SAFB: variants seen among roughly 807,000 people sequenced by gnomAD.
SAFB encodes scaffold attachment factor B, also known as scaffold attachment factor B1.
SAFB carries 15 observed loss-of-function variants against 101.6 expected under a neutral mutation model. The observed-to-expected ratio is 0.15, with a 90% confidence interval of 0.10 to 0.23. The LOEUF is 0.23. Among genes scored for constraint, SAFB ranks in the 10% least tolerant of loss-of-function variants. The pLI is 1.00. For missense variants in SAFB, 930 were observed against 1,104.1 expected (o/e 0.84, Z 2.23); for synonymous variants, 449 against 407.5 (o/e 1.10, Z -1.23).
At chr19:5,664,362 T>C in intron 16 of SAFB, 35 bp from the exon 17 acceptor site, 1 of 1,593,362 alleles carries the variant, frequency 6.3e-7, no homozygotes, top group South Asian at 1.1e-5. Context: ...AAGCCTCTTC[T>C]TCCCCTTACG....
rs2054371200 is a variant in SAFB, at chr19:5,667,872, A to T, written c.2610A>T (p.Arg870=). 12 of 1,609,542 alleles carry T rather than the reference A, an allele frequency of 7.5e-6. No homozygotes were observed. The highest frequency in any genetic ancestry group is 1.0e-5 in the Non-Finnish European group (12 of 1,177,916). The part of the protein sequence containing the change: ...GHSGPGHMMN[R]GGMSGRGSFA... ...CCGGGCCTGGCCACATGATGAACCG[A>T]GGAGGAATGTCAGGGTAAGGCATGC... The change falls in exon 20 of 21, where the codon CGA becomes CGT. Residue 870 remains arginine (R), a synonymous_variant. Coordinates refer to ENST00000588852, the MANE Select transcript of SAFB (RefSeq NM_001201338.2). This position sits in a 1 kb window ranked among gnomAD's most constrained non-coding sequence, Gnocchi z 4.0.
intron 2 of SAFB, among the ~76,000 whole-genome samples, chr19:5,641,005 G>A (rs59994918): frequency 0.038 from 5,692 of 150,020 alleles, 392 homozygotes; most frequent in African/African-American, 0.13. Context: ...TCTCGGCTCA[G>A]TGCAACCTCC....
chr19:5,664,028 T>G lies in SAFB; in HGVS notation c.2160T>G (p.Asp720Glu). 6.2e-7 allele frequency: 1 copy of G among 1,613,886 alleles called. No individual in the cohort carries two copies. Among genetic ancestry groups the G allele is most frequent in the Non-Finnish European group, 8.5e-7 (1 of 1,179,966 alleles). ...GTCTCATGTCCCCTCACAGGCGAGA[T>G]GATGCCTATTGGCCGGAAGCCAAGC... ...VRRPYDLDRR[D>E]DAYWPEAKRA... The change falls in exon 16 of 21, where the codon GAT becomes GAG. Residue 720 changes from aspartate (D) to glutamate (E), a missense_variant. Around this residue, in one of 7 missense-constraint regions of SAFB, gnomAD observed 318 missense variants for 342.6 expected, o/e 0.93. Transcript: ENST00000588852.
chr19:5,630,317 T>G (rs1013189528), intron 2 of SAFB, among the ~76,000 whole-genome samples: 1 of 152,226 alleles, frequency 6.6e-6, no homozygotes, highest in Non-Finnish European at 1.5e-5. Context: ...TGTGCTGGGT[T>G]GTTTGTCTTA....
intron 2 of SAFB, among the ~76,000 whole-genome samples, chr19:5,629,040 T>A (rs1568247217): frequency 2.0e-5 from 3 of 152,288 alleles, no homozygotes; most frequent in South Asian, 4.1e-4. Context: ...CAAGCAGTGC[T>A]TTCACCTCAG....
At chr19:5,666,901 C>T (rs2054338529) in intron 17 of SAFB, 145 bp from the exon 18 acceptor site, 2 of 742,656 alleles carry the variant, frequency 2.7e-6, no homozygotes, top group African/African-American at 3.4e-5. Flanking sequence ...AGGAAGGCAG[C>T]TGTGTTGTGT....
Position 5,667,204 on chromosome 19 carries a change from G to T in SAFB, c.2453+40G>T. On this transcript the variant is annotated intron_variant, in intron 18 of 20. Transcript: ENST00000588852. This position sits in a 1 kb window ranked among gnomAD's most constrained non-coding sequence, Gnocchi z 4.0. ...CCCGACAGTACCTGACCCCCCCCCC[G>T]CCCACAAGGGGGCCCGCAAGTCGCT... The T allele has an allele frequency of 1.7e-6, 2 of 1,157,422 alleles. No individual in the cohort carries two copies. The highest frequency in any genetic ancestry group is 1.2e-6 in the Non-Finnish European group (1 of 818,824). The allele number at this position is 1,157,422 out of a possible 1,614,324, so 71.7% of individuals were successfully genotyped here.
At position 5,631,783 on chromosome 19, in the gene SAFB, C is replaced by T. The variant is rs150086603; in HGVS notation, c.274+5294C>T. 3.3e-3 allele frequency among the ~76,000 whole-genome samples: 497 copies of T among 152,280 alleles called. 1 individual carries two copies. The highest frequency in any genetic ancestry group is 0.011 in the African/African-American group (458 of 41,562). On this transcript the variant is annotated intron_variant, in intron 2 of 20. Transcript: ENST00000588852. ...ATCAGGGGCTGTGCGAGATGGCTCT[C>T]GTCTGTAAGCCCAACAGTTTGGGAC...
Position 5,661,600 on chromosome 19 carries a change from C to G in SAFB, c.1945C>G (p.Arg649Gly). Reference sequence around the variant, plus strand: ...GGAGCGTGAGCGGCTGGAGATTGCCCGAGAGAGGCTGGCCTTCCAGCGCCA... The same window carrying G: ...GGAGCGTGAGCGGCTGGAGATTGCCGGAGAGAGGCTGGCCTTCCAGCGCCA... ...REERERLEIA[R>G]ERLAFQRQRL... The change falls in exon 15 of 21, where the codon CGA (arginine) becomes GGA (glycine). Residue 649 changes from arginine (R) to glycine (G), a missense_variant. Physicochemically the swap from Arg to Gly is moderately radical, Grantham distance 125. Around this residue, in one of 7 missense-constraint regions of SAFB, gnomAD observed 159 missense variants for 234.1 expected, o/e 0.68. Transcript: ENST00000588852. 6.2e-7 allele frequency: 1 copy of G among 1,612,890 alleles called. No individual in the cohort carries two copies. Among genetic ancestry groups the G allele is most frequent in the Non-Finnish European group, 8.5e-7 (1 of 1,179,900 alleles).
At position 5,657,335 on chromosome 19, in the gene SAFB, C is replaced by A; in HGVS notation, c.1850C>A (p.Ser617Ter). The A allele has an allele frequency of 6.2e-7, 1 of 1,608,994 alleles. No individual in the cohort carries two copies. Among genetic ancestry groups the A allele is most frequent in the Non-Finnish European group, 8.5e-7 (1 of 1,175,398 alleles). ...KVKEPRKSRD[S>*]ESHSRVRERS... ...AAGGAGCCTCGGAAGTCAAGAGACT[C>A]AGAGTCCCATAGGTGAGTAGGGATC... is the stretch of plus-strand genomic sequence containing the variant. Residue 617 changes from serine to a stop codon, truncating the protein, a stop_gained, in exon 14 of 21, where the codon TCA becomes TAA. Transcript: ENST00000588852. LOFTEE classifies it high-confidence loss of function.
chr19:5,662,239 T>G (rs2054228924), intron 15 of SAFB, among the ~76,000 whole-genome samples: 2 of 152,184 alleles, frequency 1.3e-5, no homozygotes, highest in Admixed American at 1.3e-4. Context: ...AGTTCACGCC[T>G]GTAATCCTAA....
intron 7 of SAFB, 148 bp downstream of exon 7, chr19:5,649,647 G>A (rs1159528952): frequency 1.7e-6 from 1 of 601,102 alleles, no homozygotes; most frequent in East Asian, 2.8e-5. Flanking sequence ...TTCTCTTTGT[G>A]TGTTTTTAAT....
intron 6 of SAFB, chr19:5,648,764 C>G (rs1357938470): frequency 5.4e-6 from 4 of 735,100 alleles, no homozygotes; most frequent in East Asian, 5.5e-5. Flanking sequence ...GGTTAAATCT[C>G]TGGGATGCTT....
chr19:5,629,390 T>C (rs1200172413), intron 2 of SAFB, among the ~76,000 whole-genome samples: 6 of 152,062 alleles, frequency 3.9e-5, no homozygotes, highest in Non-Finnish European at 8.8e-5. Flanking sequence ...ATGAGTGTGC[T>C]TCTACACTCC....
At position 5,667,574 on chromosome 19, in the gene SAFB, A is replaced by G; in HGVS notation, c.2557+124A>G. 1 of 766,228 alleles carries G rather than the reference A, an allele frequency of 1.3e-6. No individual in the cohort carries two copies. Among genetic ancestry groups the G allele is most frequent in the Non-Finnish European group, 2.1e-6 (1 of 467,512 alleles). The allele number at this position is 766,228 out of a possible 1,614,324, so 47.5% of individuals were successfully genotyped here. A position where few individuals can be genotyped will look rare whatever the true frequency, so the allele number is the denominator to read the frequency against. On this transcript the variant is annotated intron_variant, in intron 19 of 20. Transcript: ENST00000588852. This position sits in a 1 kb window ranked among gnomAD's most constrained non-coding sequence, Gnocchi z 4.0. Reference sequence around the variant, plus strand: ...GCTCTCAGTGCTGGAATGAGGAATGAAGAGCACTCCAGACACCGCCTGCTC... The same window carrying G: ...GCTCTCAGTGCTGGAATGAGGAATGGAGAGCACTCCAGACACCGCCTGCTC...
At chr19:5,662,900 C>T (rs2054247718) in intron 15 of SAFB, among the ~76,000 whole-genome samples, 1 of 151,906 alleles carries the variant, frequency 6.6e-6, no homozygotes, top group African/African-American at 2.4e-5. Flanking sequence ...CCTCAGACTC[C>T]CAAAGTGCTG....
chr19:5,625,075 TCTC>T (rs2053327290), intron 1 of SAFB, among the ~76,000 whole-genome samples: 1 of 152,020 alleles, frequency 6.6e-6, no homozygotes, highest in East Asian at 1.9e-4. Context: ...CCTTCTTCCT[TCTC>T]CTTTTCATTT....
At chr19:5,630,754 C>CAA (rs1027303210) in intron 2 of SAFB, among the ~76,000 whole-genome samples, 13 of 78,934 alleles carry the variant, frequency 1.6e-4, no homozygotes, top group African/African-American at 1.9e-4. Flanking sequence ...AGCTTCGTCT[C>CAA]AAAAAAAAAA....
intron 2 of SAFB, among the ~76,000 whole-genome samples, chr19:5,627,700 G>A (rs951957977): frequency 6.6e-6 from 1 of 151,878 alleles, no homozygotes; most frequent in Non-Finnish European, 1.5e-5. Flanking sequence ...CTGTGACTTC[G>A]CTCCGCCCAC....
Sources: allele counts gnomAD v4.1 joint callset (sites outside exome capture counted in the v4.1 genomes callset), GRCh38; gene constraint gnomAD v4.1.1; regional missense constraint gnomAD v4.1.1; non-coding constraint Gnocchi (gnomAD v3.1); transcripts MANE v1.5; gene names NCBI Gene and HGNC (gene_info 2026-07-23, HGNC 2026-07-21).